NRXN1: variants seen among roughly 807,000 people sequenced by gnomAD.
NRXN1 encodes the protein neurexin-1.
NRXN1 carries 39 observed loss-of-function variants against 150.9 expected under a neutral mutation model. The ratio of observed to expected loss-of-function variants is 0.26; its 90% CI spans 0.20 to 0.34. NRXN1 has a LOEUF of 0.34. NRXN1 is among the 10% of genes least tolerant of loss of function. The pLI is 1.00. For synonymous variants in NRXN1, 924 were observed against 757.0 expected (o/e 1.22, Z -3.62); for missense variants, 1,815 against 1,949.9 (o/e 0.93, Z 1.30).
At chr2:50,887,278 T>A (rs1473743025) in intron 5 of NRXN1, among the ~76,000 whole-genome samples, 1 of 151,478 alleles carries the variant, frequency 6.6e-6, no homozygotes, top group Non-Finnish European at 1.5e-5. Flanking sequence ...GGTCTACTTT[T>A]CTTTCTTGGA....
At chr2:50,022,593 CTG>C (rs1372879604) in intron 21 of NRXN1, 1 of 152,128 alleles carries the variant, frequency 6.6e-6, no homozygotes, top group African/African-American at 2.4e-5. Context: ...AATTTCAAAA[CTG>C]GGATACAAAT....
chr2:50,503,392 T>C (rs951324870), intron 13 of NRXN1, among the ~76,000 whole-genome samples: 4 of 151,098 alleles, frequency 2.6e-5, no homozygotes, highest in Admixed American at 6.6e-5. Context: ...CATGAGATCA[T>C]AGAGGCCAAG....
chr2:50,841,264 A>G (rs975221538), intron 5 of NRXN1: 2 of 152,592 alleles, frequency 1.3e-5, no homozygotes, highest in Non-Finnish European at 2.9e-5. Context: ...ACATCAGTAT[A>G]TGTTAAGGAC....
chr2:50,932,431 A>G (rs925594665), intron 2 of NRXN1, among the ~76,000 whole-genome samples: 1 of 152,070 alleles, frequency 6.6e-6, no homozygotes, highest in African/African-American at 2.4e-5. Flanking sequence ...CTTGGTTGGT[A>G]GATTGTTACC....
At chr2:50,453,357 A>T (rs1044802120) in intron 17 of NRXN1, among the ~76,000 whole-genome samples, 1 of 152,134 alleles carries the variant, frequency 6.6e-6, no homozygotes, top group Admixed American at 6.6e-5. Context: ...TCCAGGTACC[A>T]CCGTTTGGGA....
At chr2:50,894,777 T>A (rs1055718932) in intron 5 of NRXN1, among the ~76,000 whole-genome samples, 5 of 152,250 alleles carry the variant, frequency 3.3e-5, no homozygotes, top group East Asian at 1.9e-4. Context: ...AGGATATCAT[T>A]TGAGGAATGC....
chr2:50,067,305 A>AT (rs1358453143), intron 19 of NRXN1, among the ~76,000 whole-genome samples: 1 of 152,186 alleles, frequency 6.6e-6, no homozygotes, highest in African/African-American at 2.4e-5. Context: ...TTACACAAAG[A>AT]TTTGTACAAG....
At chr2:50,180,214 A>G (rs1245159545) in intron 18 of NRXN1, among the ~76,000 whole-genome samples, 1 of 151,826 alleles carries the variant, frequency 6.6e-6, no homozygotes, top group Non-Finnish European at 1.5e-5. Flanking sequence ...TTGTAGAGAC[A>G]CGGTCTTGCT....
At chr2:50,995,745 T>C (rs1699183148) in intron 2 of NRXN1, among the ~76,000 whole-genome samples, 3 of 151,940 alleles carry the variant, frequency 2.0e-5, no homozygotes, top group South Asian at 4.1e-4. Flanking sequence ...CATGGATAAA[T>C]GCAACTGGAG....
chr2:50,284,807 C>T (rs956559915), intron 17 of NRXN1, among the ~76,000 whole-genome samples: 1 of 152,060 alleles, frequency 6.6e-6, no homozygotes, highest in Non-Finnish European at 1.5e-5. Flanking sequence ...TGTTATGAAG[C>T]ATATTCAGTA....
At chr2:50,749,222 C>T (rs1317832293) in intron 5 of NRXN1, among the ~76,000 whole-genome samples, 2 of 152,058 alleles carry the variant, frequency 1.3e-5, no homozygotes, top group Non-Finnish European at 2.9e-5. Flanking sequence ...ACAACTACTG[C>T]TATAATTGTC....
At chr2:50,094,682 G>A (rs1699991801) in intron 18 of NRXN1, among the ~76,000 whole-genome samples, 1 of 151,744 alleles carries the variant, frequency 6.6e-6, no homozygotes, top group Non-Finnish European at 1.5e-5. Flanking sequence ...CTAGGTTAGA[G>A]TCTGTGTAGA....
intron 17 of NRXN1, among the ~76,000 whole-genome samples, chr2:50,393,695 A>G (rs376968076): frequency 1.5e-4 from 23 of 152,026 alleles, no homozygotes; most frequent in African/African-American, 5.3e-4. Context: ...TAGCAGGAAT[A>G]GATAGATTTG....
intron 17 of NRXN1, among the ~76,000 whole-genome samples, chr2:50,443,579 C>T (rs1188857187): frequency 6.6e-6 from 1 of 152,106 alleles, no homozygotes; most frequent in Non-Finnish European, 1.5e-5. Flanking sequence ...TTGCAATGTG[C>T]CTCTAAATCA....
intron 21 of NRXN1, among the ~76,000 whole-genome samples, chr2:50,045,648 G>C (rs752971718): frequency 2.8e-4 from 43 of 152,162 alleles, no homozygotes; most frequent in Non-Finnish European, 5.0e-4. Context: ...AGAACAATTT[G>C]TAGAGCTGAT....
chr2:50,935,126 A>T (rs1379156386), intron 2 of NRXN1, among the ~76,000 whole-genome samples: 1 of 152,200 alleles, frequency 6.6e-6, no homozygotes, highest in Non-Finnish European at 1.5e-5. Context: ...AGTAGTTTTA[A>T]AATTAATTTA....
chr2:50,420,313 C>G lies in NRXN1; in HGVS notation c.3364+45129G>C, dbSNP rs551108682. 3.3e-5 allele frequency among the ~76,000 whole-genome samples: 5 copies of G among 151,972 alleles called. No homozygotes were observed. In the East Asian group the frequency reaches 9.7e-4, roughly 29 times the overall value. On this transcript the variant is annotated intron_variant, in intron 17 of 22. Transcript: ENST00000401669. ...ATAGAAAGTGAAATCATTTTGATAT[C>G]TACACCAGCAGTCATTAAATAGGCC...
At chr2:50,391,855 G>A (rs2081731848) in intron 17 of NRXN1, among the ~76,000 whole-genome samples, 1 of 152,112 alleles carries the variant, frequency 6.6e-6, no homozygotes, top group Non-Finnish European at 1.5e-5. Flanking sequence ...CTTTTTACAT[G>A]CAGTTTCTGT....
In NRXN1 at chr2:50,990,965, G is replaced by A. The variant is rs115260644; in HGVS notation, c.772+36537C>T. On this transcript the variant is annotated intron_variant, in intron 2 of 22. Coordinates refer to ENST00000401669, the MANE Select transcript of NRXN1 (RefSeq NM_001330078.2). ...CCAATAGACCTGGGCCTATGTTCTGGATCTGACATTATTCATTTGTTTATT... is the reference window on the plus strand; with the variant it reads ...CCAATAGACCTGGGCCTATGTTCTGAATCTGACATTATTCATTTGTTTATT... 5.0e-3 allele frequency among the ~76,000 whole-genome samples: 756 copies of A among 152,054 alleles called. 4 individuals carry two copies. The highest frequency in any genetic ancestry group is 9.4e-3 in the Non-Finnish European group (639 of 67,956).
Sources: gnomAD v4.1 joint callset for allele counts (sites outside exome capture counted in the v4.1 genomes callset) on GRCh38, gnomAD v4.1.1 for gene constraint, MANE v1.5 for transcripts, NCBI Gene and HGNC (gene_info 2026-07-23, HGNC 2026-07-21) for gene names.